CILP: variants seen among roughly 807,000 people sequenced by gnomAD.
The protein encoded by CILP is cartilage intermediate layer protein.
A neutral mutation model predicts 82.5 loss-of-function variants in CILP; 75 were observed. The ratio of observed to expected loss-of-function variants is 0.91; its 90% CI spans 0.75 to 1.10. The LOEUF (loss-of-function observed/expected upper bound fraction) is 1.10, where lower values mean the gene tolerates loss of function less well. CILP is among the 50% of genes least tolerant of loss of function. The pLI is 0.00. For synonymous variants in CILP, 530 were observed against 580.3 expected, an observed-to-expected ratio of 0.91 and a Z score of 1.25; for missense variants, 1,479 against 1,530.8, an observed-to-expected ratio of 0.97 and a Z score of 0.56.
chr15:65,197,465 A>G lies in CILP; in HGVS notation c.2821T>C (p.Tyr941His), dbSNP rs752800287. 1.2e-6 allele frequency: 2 copies of G among 1,614,240 alleles called. No individual in the cohort carries two copies. The highest frequency in any genetic ancestry group is 2.2e-5 in the South Asian group (2 of 91,088). ...EDDPMSWTED[Y>H]LAWWPKPMEF... ...ATCGGCTTTGGCCACCATGCCAGAT[A>G]GTCTTCAGTCCAGCTCATAGGGTCA... Residue 941 changes from tyrosine to histidine, a missense_variant, in exon 9 of 9, where the codon TAT (tyrosine) becomes CAT (histidine). Tyr to His is a moderately conservative substitution (Grantham distance 83, BLOSUM62 2). Transcript: ENST00000261883.
intron 2 of CILP, 93 bp downstream of exon 2, chr15:65,209,602 T>A: frequency 1.6e-6 from 2 of 1,219,918 alleles, no homozygotes; most frequent in Non-Finnish European, 2.4e-6. Context: ...CCTTGCTGTG[T>A]CTTAAGGCAG....
chr15:65,203,399 T>C lies in CILP; in HGVS notation c.991A>G (p.Lys331Glu), dbSNP rs1233617143. The change falls in exon 7 of 9, where the codon AAG becomes GAG. Residue 331 changes from lysine (K) to glutamate (E), a missense_variant. By Grantham distance (56) the Lys-to-Glu change is moderately conservative (BLOSUM62 1). Coordinates refer to ENST00000261883, the MANE Select transcript of CILP (RefSeq NM_003613.4). ...TCTGGCCTGGGCTTCCCTGTGGCCT[T>C]ACAGCACAGAGACACGCTCTGCCCA... Reference protein sequence around the residue: ...RAGQSVSLCCKATGKPRPDKY... With the variant: ...RAGQSVSLCCEATGKPRPDKY... 4.3e-6 allele frequency: 7 copies of C among 1,613,320 alleles called. No homozygotes were observed. The Admixed American group carries it at 1.0e-4, about 23-fold the overall frequency.
Position 65,198,525 on chromosome 15 carries a change from G to A in CILP, c.1761C>T (p.Ile587=), listed in dbSNP as rs942723895. ...ITLEAMETNI[I]PLGEVVGEDP... Reference sequence around the variant, plus strand: ...CTTCACCAACCACTTCCCCCAGGGGGATGATGTTGGTCTCCATGGCTTCCA... The same window carrying A: ...CTTCACCAACCACTTCCCCCAGGGGAATGATGTTGGTCTCCATGGCTTCCA... Residue 587 remains isoleucine, a synonymous_variant, in exon 9 of 9, where the codon ATC becomes ATT. Transcript: ENST00000261883. 1 of 1,614,246 alleles carries A rather than the reference G, an allele frequency of 6.2e-7. No individual in the cohort carries two copies. The highest frequency in any genetic ancestry group is 1.1e-5 in the South Asian group (1 of 91,090).
At position 65,206,679 on chromosome 15, in the gene CILP, G is replaced by A. The variant is rs2140681817; in HGVS notation, c.424+103C>T. ...TATTACAGAGTCCAAGCATACGCAT[G>A]TGTGTGATGCTGAGAGTTCTGGTGG... On this transcript the variant is annotated intron_variant, in intron 4 of 8. Transcript: ENST00000261883. The A allele has an allele frequency of 3.2e-6, 4 of 1,262,192 alleles. No individual in the cohort carries two copies. The South Asian group carries it at 4.2e-5, about 13-fold the overall frequency. 78.2% of individuals were successfully genotyped at this position (1,262,192 alleles called of 1,614,324 possible).
At chr15:65,209,661 A>G in intron 2 of CILP, 34 bp downstream of exon 2, 1 of 1,609,096 alleles carries the variant, frequency 6.2e-7, no homozygotes, top group Non-Finnish European at 8.5e-7. Context: ...TGGCAAGTGG[A>G]AGATTTGGGA....
In CILP at chr15:65,202,020, A is replaced by G. The variant is rs1188201105; in HGVS notation, c.1038T>C (p.Asn346=). 1.3e-6 allele frequency: 2 copies of G among 1,583,490 alleles called. No individual in the cohort carries two copies. The highest frequency in any genetic ancestry group is 2.3e-5 in the East Asian group (1 of 42,770). Reference sequence around the variant, plus strand: ...AGAGGGAAGGATCCAGCAATGTGTCATTATGATACCTGCAAGGGATGGAGA... The same window carrying G: ...AGAGGGAAGGATCCAGCAATGTGTCGTTATGATACCTGCAAGGGATGGAGA... The part of the protein sequence containing the change: ...PRPDKYFWYH[N]DTLLDPSLYK... Residue 346 remains asparagine, a synonymous_variant, in exon 8 of 9, where the codon AAT becomes AAC. Transcript: ENST00000261883.
chr15:65,205,611 T>A (rs1361161515), intron 4 of CILP, 145 bp from the exon 5 acceptor site: 2 of 887,936 alleles, frequency 2.3e-6, no homozygotes, highest in Non-Finnish European at 3.3e-6. Flanking sequence ...TTTACTGCAG[T>A]GATTTTTCCA....
chr15:65,204,727 C>A, intron 5 of CILP, 145 bp from the exon 6 acceptor site: 1 of 893,272 alleles, frequency 1.1e-6, no homozygotes. Flanking sequence ...TCCTTTAAAA[C>A]TTATCCCAAG....
At chr15:65,211,081 T>C (rs924758563) in intron 1 of CILP, among the ~76,000 whole-genome samples, 1 of 152,220 alleles carries the variant, frequency 6.6e-6, no homozygotes, top group African/African-American at 2.4e-5. Flanking sequence ...CCTCAGCATA[T>C]GCCCTGATGG....
Position 65,196,862 on chromosome 15 carries a change from C to G in CILP, c.3424G>C (p.Ala1142Pro). The change falls in exon 9 of 9, where the codon GCT (alanine) becomes CCT (proline). Residue 1142 changes from alanine (A) to proline (P), a missense_variant. Ala to Pro is a conservative substitution (Grantham distance 27, BLOSUM62 -1). Coordinates refer to ENST00000261883, the MANE Select transcript of CILP (RefSeq NM_003613.4). ...ACTCTTCCTTGGACAGTGCCTGCAGCAGGGGACTGGGCTGGGGTGCTTTGG... is the reference window on the plus strand; with the variant it reads ...ACTCTTCCTTGGACAGTGCCTGCAGGAGGGGACTGGGCTGGGGTGCTTTGG... ...YLQSTPAQSP[A>P]AGTVQGRVPS... The G allele has an allele frequency of 6.2e-7, 1 of 1,613,878 alleles. No homozygotes were observed. The highest frequency in any genetic ancestry group is 8.5e-7 in the Non-Finnish European group (1 of 1,179,908).
chr15:65,208,379 A>G (rs1335126101), intron 2 of CILP, among the ~76,000 whole-genome samples: 2 of 152,210 alleles, frequency 1.3e-5, no homozygotes, highest in East Asian at 3.8e-4. Context: ...TCATCATAAA[A>G]TAAGGATAAT....
Position 65,201,790 on chromosome 15 carries a change from A to T in CILP, c.1186+82T>A, listed in dbSNP as rs116251736. ...AAAAGAAAAAAGAAAAGCCTTAGCT[A>T]TTACTGCATAGTTATGCCCACCTGG... On this transcript the variant is annotated intron_variant, in intron 8 of 8. Transcript: ENST00000261883. The T allele has an allele frequency of 6.7e-3, 5,605 of 839,962 alleles. 97 individuals carry two copies. Among genetic ancestry groups the T allele is most frequent in the African/African-American group, 0.041 (2,312 of 56,342 alleles). The allele number at this position is 839,962 out of a possible 1,614,324, so 52.0% of individuals were successfully genotyped here. A position where few individuals can be genotyped will look rare whatever the true frequency, so the allele number is the denominator to read the frequency against.
In CILP at chr15:65,198,345, G is replaced by T. The variant is rs199911017; in HGVS notation, c.1941C>A (p.Asp647Glu). The change falls in exon 9 of 9, where the codon GAC becomes GAA. Residue 647 changes from aspartate to glutamate, a missense_variant. By Grantham distance (45) the Asp-to-Glu change is conservative. Transcript: ENST00000261883. ...AAQTDLNFIN[D>E]EGDTFPLRTY... ...TCCGAAGGGGGAAAGTGTCTCCTTC[G>T]TCATTGATGAAGTTCAGGTCAGTCT... is the stretch of plus-strand genomic sequence containing the variant. 1.2e-6 allele frequency: 2 copies of T among 1,614,218 alleles called. No individual in the cohort carries two copies. The highest frequency in any genetic ancestry group is 1.1e-5 in the South Asian group (1 of 91,082).
intron 2 of CILP, among the ~76,000 whole-genome samples, chr15:65,208,279 C>T (rs2088540843): frequency 6.6e-6 from 1 of 152,154 alleles, no homozygotes; most frequent in African/African-American, 2.4e-5. Flanking sequence ...GAAGTATATG[C>T]AGATTGACAG....
chr15:65,207,147 T>A (rs2088527318), intron 3 of CILP, 96 bp from the exon 4 acceptor site: 1 of 1,354,324 alleles, frequency 7.4e-7, no homozygotes, highest in Non-Finnish European at 1.0e-6. Context: ...TCAGGCCCTA[T>A]CACATTTGTC....
In CILP at chr15:65,197,969, C is replaced by G. The variant is rs774370686; in HGVS notation, c.2317G>C (p.Val773Leu). 7 of 1,614,152 alleles carry G rather than the reference C, an allele frequency of 4.3e-6. No individual in the cohort carries two copies. In the South Asian group the frequency reaches 5.5e-5, roughly 13 times the overall value. The change falls in exon 9 of 9, where the codon GTT (valine) becomes CTT (leucine). Residue 773 changes from valine to leucine, a missense_variant. Val to Leu is a conservative substitution (Grantham distance 32). Transcript: ENST00000261883. Reference protein sequence around the residue: ...RFLPSEQIQGVVISVINLEPR... With the variant: ...RFLPSEQIQGLVISVINLEPR... ...TCCAGGTTAATCACGGAGATCACAA[C>G]CCCCTGGATCTGCTCACTAGGCAAG...
chr15:65,200,755 A>G lies in CILP; in HGVS notation c.1186+1117T>C, dbSNP rs536489151. 9.8e-5 allele frequency among the ~76,000 whole-genome samples: 15 copies of G among 152,330 alleles called. No homozygotes were observed. In the South Asian group the frequency reaches 3.1e-3, roughly 32 times the overall value. On this transcript the variant is annotated intron_variant, in intron 8 of 8. Coordinates refer to ENST00000261883, the MANE Select transcript of CILP (RefSeq NM_003613.4). ...CACATGGGGAGGTTTTAAACTATGC[A>G]TGCCCAGGCCACATCTCAGACCAAT... is the stretch of plus-strand genomic sequence containing the variant.
chr15:65,199,536 G>A (rs2088424721), intron 8 of CILP, among the ~76,000 whole-genome samples: 1 of 152,182 alleles, frequency 6.6e-6, no homozygotes, highest in African/African-American at 2.4e-5. Flanking sequence ...AGTGATCAGA[G>A]CTTTGGCCGG....
chr15:65,203,303 T>C (rs2088480685), intron 7 of CILP, 59 bp downstream of exon 7: 3 of 1,156,874 alleles, frequency 2.6e-6, no homozygotes, highest in Non-Finnish European at 3.9e-6. Context: ...CCAGACCCAA[T>C]GCAAGAAGCT....
Sources: gnomAD v4.1 joint callset for allele counts (sites outside exome capture counted in the v4.1 genomes callset) on GRCh38, gnomAD v4.1.1 for gene constraint, MANE v1.5 for transcripts, NCBI Gene and HGNC (gene_info 2026-07-23, HGNC 2026-07-21) for gene names.